The following LPP variants were observed in gnomAD, a reference collection of about 807,000 sequenced individuals.
The protein encoded by LPP is LIM domain containing preferred translocation partner in lipoma, also known as lipoma-preferred partner.
In LPP, 38 loss-of-function variants were observed where a neutral mutation model predicts 60.4. The ratio of observed to expected loss-of-function variants is 0.63; its 90% CI spans 0.49 to 0.83. LPP has a LOEUF of 0.83. LPP is among the 40% of genes least tolerant of loss of function. LPP has a pLI of 0.00. For synonymous variants in LPP, 328 were observed against 290.8 expected (o/e 1.13, Z -1.30); for missense variants, 902 against 783.6 (o/e 1.15, Z -1.80).
intron 3 of LPP, among the ~76,000 whole-genome samples, chr3:188,361,594 T>G (rs974272652): frequency 9.4e-5 from 13 of 139,016 alleles, no homozygotes; most frequent in African/African-American, 3.5e-4. Context: ...CTTTCCTTTC[T>G]CTCGCTCTGT....
intron 5 of LPP, among the ~76,000 whole-genome samples, chr3:188,509,631 T>TTCCC (rs1814634769): frequency 2.8e-5 from 1 of 35,316 alleles, no homozygotes; most frequent in Non-Finnish European, 6.1e-5. Context: ...GTCCCCTTCC[T>TTCCC]TCCTTCCTTC....
intron 1 of LPP, among the ~76,000 whole-genome samples, chr3:188,218,146 G>T (rs1436725060): frequency 2.0e-5 from 3 of 152,206 alleles, no homozygotes; most frequent in African/African-American, 4.8e-5. Flanking sequence ...GAAGAGCTGG[G>T]GTTTGAAAGC....
At chr3:188,323,661 A>G (rs981139602) in intron 2 of LPP, among the ~76,000 whole-genome samples, 1 of 152,246 alleles carries the variant, frequency 6.6e-6, no homozygotes, top group Non-Finnish European at 1.5e-5. Flanking sequence ...TGTTCTATGC[A>G]CGTGGCACCT....
chr3:188,222,039 T>C (rs1172941714), intron 1 of LPP, among the ~76,000 whole-genome samples: 1 of 152,208 alleles, frequency 6.6e-6, no homozygotes, highest in Non-Finnish European at 1.5e-5. Context: ...TCTTCAGTGT[T>C]CAATTGGGAA....
chr3:188,237,020 C>A (rs560729771), intron 2 of LPP, among the ~76,000 whole-genome samples: 2 of 152,170 alleles, frequency 1.3e-5, no homozygotes, highest in Non-Finnish European at 2.9e-5. Context: ...TGGAGTCAGG[C>A]CTCTCAAACT....
chr3:188,276,695 T>TTCTCTCTCTCTCTCTC (rs768545804), intron 2 of LPP, among the ~76,000 whole-genome samples: 1 of 16,404 alleles, frequency 6.1e-5, no homozygotes, highest in African/African-American at 4.4e-4. Flanking sequence ...CTCTCTCTCT[T>TTCTCTCTCTCTCTCTC]TCTCTCTCTC....
At chr3:188,162,229 C>T (rs1170784531) in intron 1 of LPP, among the ~76,000 whole-genome samples, 1 of 152,138 alleles carries the variant, frequency 6.6e-6, no homozygotes, top group Non-Finnish European at 1.5e-5. Flanking sequence ...ATGCAAGAGA[C>T]AAGTTGGCTA....
At chr3:188,756,788 A>C (rs1247501365) in intron 8 of LPP, among the ~76,000 whole-genome samples, 2 of 152,194 alleles carry the variant, frequency 1.3e-5, no homozygotes, top group Non-Finnish European at 2.9e-5. Flanking sequence ...AATAGAAAAA[A>C]TAATGAGAGG....
chr3:188,742,664 G>A (rs1255591587), intron 8 of LPP, among the ~76,000 whole-genome samples: 2 of 152,194 alleles, frequency 1.3e-5, no homozygotes, highest in East Asian at 1.9e-4. Context: ...AGTGGGGAAA[G>A]GATTGATTAT....
At chr3:188,316,064 A>G (rs894205149) in intron 2 of LPP, among the ~76,000 whole-genome samples, 5 of 152,242 alleles carry the variant, frequency 3.3e-5, no homozygotes, top group African/African-American at 1.2e-4. Flanking sequence ...ACCTGAGGTC[A>G]GGAGTTTAAG....
intron 1 of LPP, among the ~76,000 whole-genome samples, chr3:188,201,637 G>A (rs1731115698): frequency 6.6e-6 from 1 of 152,150 alleles, no homozygotes; most frequent in Non-Finnish European, 1.5e-5. Flanking sequence ...AACCCAAGAA[G>A]TGGAAGTTGC....
chr3:188,629,104 T>G (rs1317719141), intron 7 of LPP, among the ~76,000 whole-genome samples: 2 of 152,010 alleles, frequency 1.3e-5, no homozygotes. Flanking sequence ...GGAACATACT[T>G]CAAAATAATA....
chr3:188,687,672 T>C lies in LPP; in HGVS notation c.1114-20595T>C, dbSNP rs368731372. ...GAAGTTTTTTATAGCAGTGTGAAAA[T>C]GGAGTAATTCAATGACCCTTTCTTA... On this transcript the variant is annotated intron_variant, in intron 7 of 11. Transcript: ENST00000617246. 4.3e-4 allele frequency among the ~76,000 whole-genome samples: 65 copies of C among 152,138 alleles called. 1 individual carries two copies. The highest frequency in any genetic ancestry group is 1.1e-3 in the African/African-American group (44 of 41,490).
chr3:188,662,817 A>T (rs1009343959), intron 7 of LPP, among the ~76,000 whole-genome samples: 9 of 152,270 alleles, frequency 5.9e-5, no homozygotes, highest in Non-Finnish European at 1.3e-4. Context: ...GTGACTCTCC[A>T]GAAATCTTTA....
At chr3:188,444,138 C>T (rs575489468) in intron 4 of LPP, among the ~76,000 whole-genome samples, 2 of 152,106 alleles carry the variant, frequency 1.3e-5, no homozygotes, top group African/African-American at 4.8e-5. Context: ...TTTTTCACTT[C>T]TTGGGAAGGG....
Position 188,524,704 on chromosome 3 carries a change from A to C in LPP, c.346A>C (p.Ser116Arg), listed in dbSNP as rs776396162. The C allele has an allele frequency of 6.2e-7, 1 of 1,614,146 alleles. No individual in the cohort carries two copies. Among genetic ancestry groups the C allele is most frequent in the Non-Finnish European group, 8.5e-7 (1 of 1,179,992 alleles). ...GGKTLEERRS[S>R]LDAEIDSLTS... The stretch of plus-strand genomic sequence containing the variant: ...CAAGACACTTGAGGAGAGGCGCTCC[A>C]GCCTGGACGCTGAGATTGACTCCTT... Residue 116 changes from serine (S) to arginine (R), a missense_variant, in exon 6 of 12, where the codon AGC (serine) becomes CGC (arginine). Transcript: ENST00000617246.
At chr3:188,463,938 G>T (rs917645305) in intron 4 of LPP, among the ~76,000 whole-genome samples, 10 of 152,144 alleles carry the variant, frequency 6.6e-5, no homozygotes, top group Non-Finnish European at 1.3e-4. Flanking sequence ...TTTTTACCTT[G>T]CATTATACCA....
chr3:188,883,763 A>C lies in LPP; in HGVS notation c.*9284A>C. 1 of 185,972 alleles carries C rather than the reference A, an allele frequency of 5.4e-6. No homozygotes were observed. The highest frequency in any genetic ancestry group is 1.9e-3 in the Middle Eastern group (1 of 536). The allele number at this position is 185,972 out of a possible 1,614,324, so 11.5% of individuals were successfully genotyped here. A position where few individuals can be genotyped will look rare whatever the true frequency, so the allele number is the denominator to read the frequency against. On this transcript the variant is annotated 3_prime_UTR_variant, in exon 12 of 12. Coordinates refer to ENST00000617246, the MANE Select transcript of LPP (RefSeq NM_001375462.1). ...AAAAAAAAAAAAAAAAAGGTTGGGA[A>C]ATATTGGTGTATAATCCCCATGTCT...
chr3:188,783,734 A>C (rs1445797953), intron 9 of LPP, among the ~76,000 whole-genome samples: 1 of 152,074 alleles, frequency 6.6e-6, no homozygotes, highest in East Asian at 1.9e-4. Context: ...AAGAAAAAAA[A>C]ATCCTGCCTC....
Sources: gnomAD v4.1 joint callset for allele counts (sites outside exome capture counted in the v4.1 genomes callset) on GRCh38, gnomAD v4.1.1 for gene constraint, MANE v1.5 for transcripts, NCBI Gene and HGNC (gene_info 2026-07-23, HGNC 2026-07-21) for gene names.